Variants in PHACTR1 observed in about 807,000 individuals in gnomAD.
The protein encoded by PHACTR1 is RPEL repeat containing 1.
PHACTR1 carries 16 observed loss-of-function variants against 69.2 expected under a neutral mutation model. The observed-to-expected ratio is 0.23, with a 90% CI of 0.16 to 0.35. PHACTR1 has a LOEUF of 0.35. PHACTR1 is among the 10% of genes least tolerant of loss of function. The pLI is 1.00. For missense variants in PHACTR1, 510 were observed against 734.7 expected, an observed-to-expected ratio of 0.69 and a Z score of 3.54; for synonymous variants, 312 against 284.5, an observed-to-expected ratio of 1.10 and a Z score of -0.97.
intron 5 of PHACTR1, among the ~76,000 whole-genome samples, chr6:13,105,138 T>C (rs554697988): frequency 6.6e-6 from 1 of 152,282 alleles, no homozygotes; most frequent in East Asian, 1.9e-4. Context: ...TTCAACCACT[T>C]TGAGAGGCCA....
chr6:13,189,656 TC>T (rs1431495978), intron 7 of PHACTR1, among the ~76,000 whole-genome samples: 2 of 152,146 alleles, frequency 1.3e-5, no homozygotes, highest in African/African-American at 2.4e-5. Context: ...CATCTCTGCC[TC>T]CCAAAGTGCT....
intron 10 of PHACTR1, among the ~76,000 whole-genome samples, chr6:13,247,364 T>TGTGTGAGA (rs1554171040): frequency 1.3e-4 from 20 of 150,076 alleles, no homozygotes; most frequent in African/African-American, 4.9e-4. Flanking sequence ...TGTGTGTGTG[T>TGTGTGAGA]GACGGAGTTT....
chr6:13,174,014 C>T (rs541858822), intron 6 of PHACTR1, among the ~76,000 whole-genome samples: 51 of 151,920 alleles, frequency 3.4e-4, no homozygotes, highest in African/African-American at 1.2e-3. Context: ...ATAGCTATGC[C>T]CCCTTAATGA....
At chr6:13,131,895 T>C (rs1360464335) in intron 5 of PHACTR1, among the ~76,000 whole-genome samples, 1 of 152,234 alleles carries the variant, frequency 6.6e-6, no homozygotes, top group Non-Finnish European at 1.5e-5. Flanking sequence ...TTCACAAAGC[T>C]GGAAGTTTAG....
At chr6:13,241,124 G>A (rs915302943) in intron 10 of PHACTR1, among the ~76,000 whole-genome samples, 3 of 152,188 alleles carry the variant, frequency 2.0e-5, no homozygotes, top group African/African-American at 7.2e-5. Context: ...TTGGTGGACT[G>A]TAGAGTTCCA....
chr6:12,957,908 T>G (rs1792105448), intron 4 of PHACTR1: 1 of 984,592 alleles, frequency 1.0e-6, no homozygotes, highest in African/African-American at 1.8e-5. Flanking sequence ...GTGTAGCATG[T>G]GTATTTTCAG....
intron 4 of PHACTR1, among the ~76,000 whole-genome samples, chr6:13,003,127 A>T (rs910636154): frequency 2.6e-5 from 4 of 152,224 alleles, no homozygotes; most frequent in African/African-American, 9.6e-5. Flanking sequence ...AGAAAGAGAA[A>T]GGGGACTTAA....
intron 7 of PHACTR1, among the ~76,000 whole-genome samples, chr6:13,199,412 A>C (rs915579372): frequency 8.8e-6 from 1 of 114,156 alleles, no homozygotes; most frequent in Non-Finnish European, 1.8e-5. Flanking sequence ...AAAAAAAAAA[A>C]CATTGGCATC....
chr6:12,768,388 A>T (rs1295985102), intron 4 of PHACTR1, among the ~76,000 whole-genome samples: 1 of 152,164 alleles, frequency 6.6e-6, no homozygotes, highest in African/African-American at 2.4e-5. Context: ...TGCTGGGATT[A>T]CAGGCGTGAG....
intron 4 of PHACTR1, among the ~76,000 whole-genome samples, chr6:12,909,941 G>A (rs1423021592): frequency 5.3e-5 from 8 of 152,172 alleles, no homozygotes; most frequent in African/African-American, 9.7e-5. Flanking sequence ...CCCCACATTC[G>A]AAGATCCCAG....
At chr6:12,899,522 C>T (rs906688349) in intron 4 of PHACTR1, among the ~76,000 whole-genome samples, 1 of 152,132 alleles carries the variant, frequency 6.6e-6, no homozygotes, top group Non-Finnish European at 1.5e-5. Flanking sequence ...CTTGTAGTTA[C>T]TTGCAAGTAT....
chr6:12,871,601 A>AT (rs1782033177), intron 4 of PHACTR1, among the ~76,000 whole-genome samples: 1 of 152,064 alleles, frequency 6.6e-6, no homozygotes, highest in Non-Finnish European at 1.5e-5. Context: ...CTGGCCTGAT[A>AT]AGATTCAGGT....
chr6:13,000,693 A>G (rs1798004105), intron 4 of PHACTR1, among the ~76,000 whole-genome samples: 1 of 147,492 alleles, frequency 6.8e-6, no homozygotes, highest in Non-Finnish European at 1.5e-5. Context: ...AAGGAAGGAG[A>G]GAAAAACAAA....
chr6:12,980,925 T>C (rs1795455085), intron 4 of PHACTR1, among the ~76,000 whole-genome samples: 3 of 152,254 alleles, frequency 2.0e-5, no homozygotes. Context: ...CTCCGCCTAC[T>C]CTTCCTCCCA....
At chr6:13,035,281 C>T (rs966400747) in intron 4 of PHACTR1, among the ~76,000 whole-genome samples, 2 of 152,122 alleles carry the variant, frequency 1.3e-5, no homozygotes, top group African/African-American at 2.4e-5. Context: ...TAAATCCTAA[C>T]AGATAAAAAT....
intron 10 of PHACTR1, among the ~76,000 whole-genome samples, chr6:13,261,314 G>T (rs1045463650): frequency 1.3e-5 from 2 of 152,138 alleles, no homozygotes; most frequent in South Asian, 2.1e-4. Context: ...ACAGTTGTTT[G>T]CCCTAAGGAA....
chr6:12,823,200 ATG>A (rs1210676105), intron 4 of PHACTR1, among the ~76,000 whole-genome samples: 1 of 152,212 alleles, frequency 6.6e-6, no homozygotes, highest in African/African-American at 2.4e-5. Context: ...CATCTGCAAA[ATG>A]GGAAGAATAA....
intron 4 of PHACTR1, among the ~76,000 whole-genome samples, chr6:12,797,633 C>T (rs1461369015): frequency 6.6e-6 from 1 of 152,144 alleles, no homozygotes; most frequent in Non-Finnish European, 1.5e-5. Context: ...TTGCACCCTC[C>T]CATGGCCGGT....
intron 4 of PHACTR1, among the ~76,000 whole-genome samples, chr6:12,987,571 C>A (rs1378615221): frequency 6.6e-6 from 1 of 152,012 alleles, no homozygotes; most frequent in Non-Finnish European, 1.5e-5. Context: ...AAAAGGATGG[C>A]TTTGGGCTTG....
Sources: gnomAD v4.1 joint callset for allele counts (sites outside exome capture counted in the v4.1 genomes callset) on GRCh38, gnomAD v4.1.1 for gene constraint, MANE v1.5 for transcripts, NCBI Gene and HGNC (gene_info 2026-07-23, HGNC 2026-07-21) for gene names.